PLAG1: variants seen among roughly 807,000 people sequenced by gnomAD.
PLAG1 encodes PLAG1 zinc finger.
PLAG1 carries 7 observed loss-of-function variants against 35.5 expected under a neutral mutation model. The observed-to-expected ratio is 0.20, with a 90% CI of 0.11 to 0.37. The LOEUF is 0.37. Ranked by LOEUF, PLAG1 falls within the 10% of genes least tolerant of loss-of-function variation. PLAG1 has a pLI of 1.00. For missense variants in PLAG1, 454 were observed against 602.8 expected (o/e 0.75, Z 2.58); for synonymous variants, 229 against 225.4 (o/e 1.02, Z -0.14).
chr8:56,192,224 T>C (rs571510307), intron 1 of PLAG1, among the ~76,000 whole-genome samples: 1 of 152,296 alleles, frequency 6.6e-6, no homozygotes, highest in Admixed American at 6.5e-5. Context: ...TGCCATGCAA[T>C]TGCCAAGCCA....
At chr8:56,193,590 TAATTCTACTCTACTG>T (rs1249012510) in intron 1 of PLAG1, among the ~76,000 whole-genome samples, 1 of 152,128 alleles carries the variant, frequency 6.6e-6, no homozygotes, top group Non-Finnish European at 1.5e-5. Context: ...AATCAACTGA[TAATTCTACTCTACTG>T]AGGCTAAACG....
chr8:56,174,682 T>C (rs1479069014), intron 2 of PLAG1, among the ~76,000 whole-genome samples: 1 of 152,162 alleles, frequency 6.6e-6, no homozygotes, highest in Non-Finnish European at 1.5e-5. Context: ...ATAATAGACA[T>C]AAGATAGAAT....
rs374490399 is a variant in PLAG1, at chr8:56,202,604, C to T, written c.-322+8517G>A. 5.3e-5 allele frequency among the ~76,000 whole-genome samples: 8 copies of T among 152,298 alleles called. No individual in the cohort carries two copies. The South Asian group carries it at 1.4e-3, about 28-fold the overall frequency. On this transcript the variant is annotated intron_variant, in intron 1 of 4. Transcript: ENST00000316981. Reference sequence around the variant, plus strand: ...TCTGAATGTGATCAATTGCACTTCTCCCACAACAAACTGCTTTCTCTACTT... The same window carrying T: ...TCTGAATGTGATCAATTGCACTTCTTCCACAACAAACTGCTTTCTCTACTT...
chr8:56,208,229 GATAAA>G (rs1812750802), intron 1 of PLAG1, among the ~76,000 whole-genome samples: 1 of 152,122 alleles, frequency 6.6e-6, no homozygotes, highest in African/African-American at 2.4e-5. Context: ...GAAAACGTAA[GATAAA>G]ATGAAAAGGC....
At chr8:56,209,962 A>C (rs1812810705) in intron 1 of PLAG1, among the ~76,000 whole-genome samples, 1 of 152,216 alleles carries the variant, frequency 6.6e-6, no homozygotes, top group South Asian at 2.1e-4. Flanking sequence ...CGCAAAGATC[A>C]TTAAAAGAGA....
intron 1 of PLAG1, among the ~76,000 whole-genome samples, chr8:56,195,746 G>T (rs1484264490): frequency 6.6e-6 from 1 of 152,194 alleles, no homozygotes; most frequent in Admixed American, 6.5e-5. Context: ...GAAGCTCAAG[G>T]CGCCTGGCTT....
In PLAG1 at chr8:56,163,659, A is replaced by ATG. The variant is rs527794676; in HGVS notation, c.*2582_*2583dup. 5,832 of 185,710 alleles carry ATG rather than the reference A, an allele frequency of 0.031. 137 individuals carry two copies. The highest frequency in any genetic ancestry group is 0.068 in the African/African-American group (2,832 of 41,700). The allele number at this position is 185,710 out of a possible 1,614,324, so 11.5% of individuals were successfully genotyped here. A position where few individuals can be genotyped will look rare whatever the true frequency, so the allele number is the denominator to read the frequency against. On this transcript the variant is annotated 3_prime_UTR_variant, in exon 5 of 5. Transcript: ENST00000316981. ...ATTTCATGCAGGGCAAGATTTAAGT[A>ATG]TGTGTGTGTGTGTGTATATATACAC...
intron 1 of PLAG1, among the ~76,000 whole-genome samples, chr8:56,194,612 TGTGTGTGTGGC>T (rs752578103): frequency 3.2e-4 from 49 of 151,502 alleles, no homozygotes; most frequent in Non-Finnish European, 5.3e-4. Context: ...TGTGTGTTTG[TGTGTGTGTGGC>T]GTGTGTGTGT....
intron 1 of PLAG1, among the ~76,000 whole-genome samples, chr8:56,196,623 C>T (rs1028042056): frequency 5.9e-5 from 9 of 152,168 alleles, no homozygotes; most frequent in Middle Eastern, 3.4e-3. Flanking sequence ...CCCCAAGTCT[C>T]GGGGATGGTG....
intron 1 of PLAG1, among the ~76,000 whole-genome samples, chr8:56,206,386 T>G (rs2129235869): frequency 6.6e-6 from 1 of 152,026 alleles, no homozygotes; most frequent in South Asian, 2.1e-4. Context: ...TCTAAAAATC[T>G]TAATTTAATT....
chr8:56,188,663 T>C lies in PLAG1; in HGVS notation c.-321-9150A>G, dbSNP rs181231559. On this transcript the variant is annotated intron_variant, in intron 1 of 4. Transcript: ENST00000316981. ...AATGAATGATACCAAGACCTGAGTA[T>C]GTACTTTCTCATGTATCCACCTGTG... Among the ~76,000 whole-genome samples, 18 of 152,370 alleles carry C rather than the reference T, an allele frequency of 1.2e-4. 1 individual carries two copies. In the East Asian group the frequency reaches 2.9e-3, roughly 24 times the overall value.
chr8:56,191,180 G>T (rs2129230998), intron 1 of PLAG1, among the ~76,000 whole-genome samples: 1 of 152,280 alleles, frequency 6.6e-6, no homozygotes, highest in East Asian at 1.9e-4. Context: ...TCTGGAAAAG[G>T]CAGGAGGAGA....
chr8:56,167,614 G>A lies in PLAG1; in HGVS notation c.243-111C>T. 1.4e-6 allele frequency: 1 copy of A among 692,978 alleles called. No homozygotes were observed. Among genetic ancestry groups the A allele is most frequent in the South Asian group, 1.9e-5 (1 of 51,486 alleles). The allele number at this position is 692,978 out of a possible 1,614,324, so 42.9% of individuals were successfully genotyped here. On this transcript the variant is annotated intron_variant, in intron 4 of 4. Transcript: ENST00000316981. This position sits in a 1 kb window ranked among gnomAD's most constrained non-coding sequence, Gnocchi z 5.9. ...CTAACACAGAATTCCCTTAGTAATG[G>A]AAACTGTTTAACTTAATATATACCA...
intron 1 of PLAG1, among the ~76,000 whole-genome samples, chr8:56,210,382 C>G (rs925529665): frequency 6.6e-6 from 1 of 151,954 alleles, no homozygotes; most frequent in Non-Finnish European, 1.5e-5. Context: ...CGATCTCCTG[C>G]TTTCATTTAG....
intron 1 of PLAG1, among the ~76,000 whole-genome samples, chr8:56,209,948 A>T (rs986547205): frequency 3.9e-5 from 6 of 152,126 alleles, no homozygotes; most frequent in South Asian, 2.1e-4. Flanking sequence ...ACCCAAAAAA[A>T]CCCCGCAAAG....
intron 1 of PLAG1, among the ~76,000 whole-genome samples, chr8:56,182,287 T>C (rs750205726): frequency 6.6e-6 from 1 of 152,216 alleles, no homozygotes; most frequent in Non-Finnish European, 1.5e-5. Flanking sequence ...AGTCCACTTA[T>C]GTGCCTAATA....
At chr8:56,190,480 T>C (rs1480149852) in intron 1 of PLAG1, among the ~76,000 whole-genome samples, 1 of 152,178 alleles carries the variant, frequency 6.6e-6, no homozygotes, top group Non-Finnish European at 1.5e-5. Flanking sequence ...TGCAGGTTTT[T>C]AGTAAAATTG....
At chr8:56,199,868 T>C (rs1301388726) in intron 1 of PLAG1, among the ~76,000 whole-genome samples, 1 of 152,144 alleles carries the variant, frequency 6.6e-6, no homozygotes, top group Admixed American at 6.5e-5. Context: ...ACATTAGATG[T>C]TGAGAATCAC....
chr8:56,208,826 C>A (rs1447791177), intron 1 of PLAG1, among the ~76,000 whole-genome samples: 1 of 152,148 alleles, frequency 6.6e-6, no homozygotes, highest in East Asian at 1.9e-4. Flanking sequence ...TAAACACTTT[C>A]TGTTAAATAA....
Sources: allele counts gnomAD v4.1 joint callset (sites outside exome capture counted in the v4.1 genomes callset), GRCh38; gene constraint gnomAD v4.1.1; non-coding constraint Gnocchi (gnomAD v3.1); transcripts MANE v1.5; gene names NCBI Gene and HGNC (gene_info 2026-07-23, HGNC 2026-07-21).